The following DGKB variants were observed in gnomAD, a reference collection of about 807,000 sequenced individuals.
DGKB encodes 90 kDa diacylglycerol kinase.
Under a neutral mutation model 114.3 loss-of-function variants are expected in DGKB, and 67 were observed. That is an observed-to-expected ratio of 0.59 (90% CI 0.48 to 0.72). The LOEUF is 0.72. Ranked by LOEUF, DGKB falls within the 30% of genes least tolerant of loss-of-function variation. The pLI is 0.00. For synonymous variants in DGKB, 398 were observed against 323.1 expected (o/e 1.23, Z -2.49); for missense variants, 907 against 975.2 (o/e 0.93, Z 0.93).
At chr7:14,685,748 G>C (rs1821568138) in intron 9 of DGKB, among the ~76,000 whole-genome samples, 1 of 152,126 alleles carries the variant, frequency 6.6e-6, no homozygotes, top group Non-Finnish European at 1.5e-5. Flanking sequence ...CAGTGGAACA[G>C]CCTGACAAAG....
upstream of DGKB, among the ~76,000 whole-genome samples, chr7:14,906,411 C>G (rs1783705724): frequency 1.3e-5 from 2 of 148,786 alleles, no homozygotes; most frequent in Admixed American, 6.7e-5. Context: ...AAGTTATTGA[C>G]ATTAGATAGA....
intron 21 of DGKB, among the ~76,000 whole-genome samples, chr7:14,396,117 G>A (rs778860547): frequency 1.4e-4 from 21 of 151,912 alleles, no homozygotes; most frequent in Admixed American, 3.9e-4. Context: ...ATTTCCTTCT[G>A]TTATGAAAGG....
At chr7:14,911,163 A>G (rs542070294) in intron 1 of DGKB, among the ~76,000 whole-genome samples, 2 of 152,182 alleles carry the variant, frequency 1.3e-5, no homozygotes, top group East Asian at 3.9e-4. Context: ...ATTTCCAATT[A>G]CAGTATGAAC....
At chr7:14,710,380 A>G (rs2128332632) in intron 6 of DGKB, among the ~76,000 whole-genome samples, 1 of 152,264 alleles carries the variant, frequency 6.6e-6, no homozygotes, top group Admixed American at 6.5e-5. Flanking sequence ...ATCTTGCTAA[A>G]CACACTTATT....
intron 13 of DGKB, among the ~76,000 whole-genome samples, chr7:14,647,953 G>A (rs190290321): frequency 5.3e-5 from 8 of 152,302 alleles, no homozygotes; most frequent in East Asian, 1.9e-4. Flanking sequence ...AAAAAATGGC[G>A]CACCATGAGA....
intron 17 of DGKB, among the ~76,000 whole-genome samples, chr7:14,589,954 G>A (rs1801413361): frequency 6.7e-6 from 1 of 148,704 alleles, no homozygotes; most frequent in African/African-American, 2.5e-5. Flanking sequence ...GGAAGAATTT[G>A]TATAATTATT....
chr7:14,709,681 T>C (rs1343308550), intron 6 of DGKB, among the ~76,000 whole-genome samples: 4 of 145,254 alleles, frequency 2.8e-5, no homozygotes, highest in East Asian at 2.2e-4. Context: ...ATGGATGAAA[T>C]TGGAAATCAT....
At chr7:14,475,658 C>T (rs1025340912) in intron 21 of DGKB, among the ~76,000 whole-genome samples, 1 of 151,992 alleles carries the variant, frequency 6.6e-6, no homozygotes, top group Non-Finnish European at 1.5e-5. Flanking sequence ...GCAAAGACTC[C>T]CTATAAGCTA....
chr7:14,538,609 G>A (rs1341890987), intron 20 of DGKB, among the ~76,000 whole-genome samples: 3 of 152,082 alleles, frequency 2.0e-5, no homozygotes, highest in African/African-American at 7.2e-5. Flanking sequence ...ACTACCATAT[G>A]TTCTAGTGAT....
At chr7:14,301,984 C>G (rs766356377) in intron 23 of DGKB, among the ~76,000 whole-genome samples, 1 of 152,094 alleles carries the variant, frequency 6.6e-6, no homozygotes, top group Non-Finnish European at 1.5e-5. Flanking sequence ...ATCAGGCACT[C>G]TCACAAGGAC....
At chr7:14,477,418 T>G (rs908696064) in intron 21 of DGKB, among the ~76,000 whole-genome samples, 1 of 152,196 alleles carries the variant, frequency 6.6e-6, no homozygotes, top group Non-Finnish European at 1.5e-5. Flanking sequence ...TATGGTTTTG[T>G]AGCTTTGTGA....
intron 21 of DGKB, among the ~76,000 whole-genome samples, chr7:14,456,365 T>C (rs1482108094): frequency 1.3e-5 from 2 of 152,104 alleles, no homozygotes; most frequent in Non-Finnish European, 2.9e-5. Flanking sequence ...AAGTTAATTC[T>C]GTATAATATA....
Position 14,467,198 on chromosome 7 carries a change from A to G in DGKB, c.1835+10963T>C, listed in dbSNP as rs533412646. On this transcript the variant is annotated intron_variant, in intron 21 of 25. Coordinates refer to ENST00000402815, the MANE Select transcript of DGKB (RefSeq NM_001350709.2). ...TATTTATATAATTATTTTATTACTT[A>G]CTGTTTTTAAATATTTTATTACATA... 2.7e-5 allele frequency among the ~76,000 whole-genome samples: 4 copies of G among 149,266 alleles called. No individual in the cohort carries two copies. The East Asian group carries it at 7.8e-4, about 29-fold the overall frequency.
intron 21 of DGKB, among the ~76,000 whole-genome samples, chr7:14,352,699 C>T (rs1313545767): frequency 2.0e-5 from 3 of 152,006 alleles, no homozygotes; most frequent in South Asian, 2.1e-4. Context: ...CAGAGGTAGG[C>T]GGATCACGAG....
At chr7:14,198,143 T>C (rs1785289908) in intron 23 of DGKB, among the ~76,000 whole-genome samples, 1 of 151,998 alleles carries the variant, frequency 6.6e-6, no homozygotes, top group South Asian at 2.1e-4. Flanking sequence ...CTAATTTGAG[T>C]TGTAAGTAAA....
intron 21 of DGKB, among the ~76,000 whole-genome samples, chr7:14,421,937 G>C (rs979361217): frequency 6.6e-6 from 1 of 151,770 alleles, no homozygotes; most frequent in Non-Finnish European, 1.5e-5. Flanking sequence ...CTTCTTTTAG[G>C]AGTTTATAAC....
At chr7:14,248,159 C>A (rs1026103355) in intron 23 of DGKB, among the ~76,000 whole-genome samples, 1 of 152,056 alleles carries the variant, frequency 6.6e-6, no homozygotes, top group Non-Finnish European at 1.5e-5. Context: ...CAATTGACCA[C>A]AAATGAGTGG....
upstream of DGKB, among the ~76,000 whole-genome samples, chr7:14,904,421 G>C (rs1192207896): frequency 6.6e-6 from 1 of 151,988 alleles, no homozygotes; most frequent in African/African-American, 2.4e-5. Context: ...GGGTTAATCA[G>C]GGTTAAATTA....
chr7:14,539,369 C>T (rs1047539177), intron 20 of DGKB, among the ~76,000 whole-genome samples: 2 of 151,946 alleles, frequency 1.3e-5, no homozygotes, highest in African/African-American at 4.8e-5. Flanking sequence ...GTTTTCCTTG[C>T]ACTAATACAT....
Sources: allele counts gnomAD v4.1 joint callset (sites outside exome capture counted in the v4.1 genomes callset), GRCh38; gene constraint gnomAD v4.1.1; transcripts MANE v1.5; gene names NCBI Gene and HGNC (gene_info 2026-07-23, HGNC 2026-07-21).